The following RBFOX1 variants were observed in gnomAD, a reference collection of about 807,000 sequenced individuals.
RBFOX1 encodes the protein RNA binding fox-1 homolog 1, also known as RNA binding protein fox-1 homolog 1.
RBFOX1 carries 8 observed loss-of-function variants against 57.7 expected under a neutral mutation model. That is an observed-to-expected ratio of 0.14 (90% CI 0.08 to 0.25). RBFOX1 has a LOEUF of 0.25. Ranked by LOEUF, RBFOX1 falls within the 10% of genes least tolerant of loss-of-function variation. The probability of loss-of-function intolerance (pLI) is 1.00; values close to 1 mark genes in which losing one functional copy is unlikely to be tolerated. For synonymous variants in RBFOX1, 326 were observed against 222.4 expected (o/e 1.47, Z -4.15); for missense variants, 611 against 548.5 (o/e 1.11, Z -1.14).
intron 4 of RBFOX1, among the ~76,000 whole-genome samples, chr16:5,903,505 C>T (rs550224506): frequency 1.3e-5 from 2 of 152,236 alleles, no homozygotes; most frequent in Admixed American, 1.3e-4. Flanking sequence ...ACAACTTAAG[C>T]TCATTTGGAC....
chr16:7,665,115 G>T (rs2068843864), intron 13 of RBFOX1, 147 bp downstream of exon 13: 2 of 1,505,874 alleles, frequency 1.3e-6, no homozygotes, highest in South Asian at 2.4e-5. Flanking sequence ...TTGCAGGACA[G>T]AAAGCCTTCT....
intron 12 of RBFOX1, among the ~76,000 whole-genome samples, chr16:7,663,471 C>G (rs1302527562): frequency 6.6e-6 from 1 of 151,720 alleles, no homozygotes; most frequent in African/African-American, 2.4e-5. Flanking sequence ...TCCAGCAAAC[C>G]AGTGTCACAG....
chr16:7,422,435 C>T (rs377564913), intron 4 of RBFOX1, among the ~76,000 whole-genome samples: 9 of 152,256 alleles, frequency 5.9e-5, no homozygotes, highest in African/African-American at 9.6e-5. Context: ...TGCATTATTT[C>T]GGTTGCCTTT....
chr16:5,901,480 A>G (rs902665046), intron 4 of RBFOX1, among the ~76,000 whole-genome samples: 4 of 152,204 alleles, frequency 2.6e-5, no homozygotes, highest in African/African-American at 9.7e-5. Context: ...AGGTTTGCCT[A>G]TAATTTCCCT....
rs1034940898 is a variant in RBFOX1 at position 5,241,379 on chromosome 16, G to C, written c.219+1274G>C. On this transcript the variant is annotated intron_variant, in intron 1 of 2. Coordinates refer to the RBFOX1 transcript ENST00000585867. The stretch of plus-strand genomic sequence containing the variant: ...AGGATGAGACACAATTACGGTGGCA[G>C]TGTAACGCCAGGAAACTTTATTGCG... Among the ~76,000 whole-genome samples, 5 of 150,266 alleles carry C rather than the reference G, an allele frequency of 3.3e-5. No individual in the cohort carries two copies. The East Asian group carries it at 7.7e-4, about 23-fold the overall frequency.
intron 4 of RBFOX1, among the ~76,000 whole-genome samples, chr16:5,883,510 A>G (rs1239640284): frequency 9.0e-6 from 1 of 110,912 alleles, no homozygotes; most frequent in African/African-American, 5.0e-5. Context: ...GCAATCCCAG[A>G]TACGGGTGGC....
At chr16:7,036,311 A>C (rs2044404955) in intron 3 of RBFOX1, among the ~76,000 whole-genome samples, 1 of 152,158 alleles carries the variant, frequency 6.6e-6, no homozygotes. Flanking sequence ...TAAAACTTTC[A>C]GAAGCAGTAG....
rs1027913090 is a variant in RBFOX1 at position 7,044,500 on chromosome 16, G to C, written c.-15-7557G>C. On this transcript the variant is annotated intron_variant, in intron 3 of 15. Transcript: ENST00000550418. ...ATGAATCCCTGCTATTAAACATCTCGTTCAACCGGGAGAGCAAAGGGTCTC... is the reference window on the plus strand; with the variant it reads ...ATGAATCCCTGCTATTAAACATCTCCTTCAACCGGGAGAGCAAAGGGTCTC... Among the ~76,000 whole-genome samples, 18 of 152,158 alleles carry C rather than the reference G, an allele frequency of 1.2e-4. 1 individual carries two copies. Among genetic ancestry groups the C allele is most frequent in the African/African-American group, 4.3e-4 (18 of 41,434 alleles).
chr16:5,868,778 C>T (rs924832046), intron 4 of RBFOX1, among the ~76,000 whole-genome samples: 2 of 152,136 alleles, frequency 1.3e-5, no homozygotes, highest in African/African-American at 4.8e-5. Context: ...TTAAACAACA[C>T]AAATTTTGTT....
intron 2 of RBFOX1, among the ~76,000 whole-genome samples, chr16:6,498,270 A>T (rs937900282): frequency 6.6e-6 from 1 of 151,418 alleles, no homozygotes; most frequent in Non-Finnish European, 1.5e-5. Context: ...AAAAAAAAAA[A>T]GGATGACAAT....
At chr16:6,771,933 C>T (rs1025105875) in intron 3 of RBFOX1, among the ~76,000 whole-genome samples, 13 of 152,154 alleles carry the variant, frequency 8.5e-5, no homozygotes, top group African/African-American at 3.1e-4. Context: ...TTATCTCCTA[C>T]TCTGGGCATT....
At chr16:7,012,649 T>G (rs1036525020) in intron 3 of RBFOX1, among the ~76,000 whole-genome samples, 3 of 152,174 alleles carry the variant, frequency 2.0e-5, no homozygotes, top group African/African-American at 7.2e-5. Context: ...CAACAGACCT[T>G]TCTTTATTAT....
At chr16:6,882,670 C>T (rs937265273) in intron 3 of RBFOX1, among the ~76,000 whole-genome samples, 14 of 151,978 alleles carry the variant, frequency 9.2e-5, no homozygotes, top group Non-Finnish European at 2.1e-4. Flanking sequence ...TGGCAGGTAC[C>T]CATTGGCTGT....
chr16:5,763,562 G>A (rs372055753), intron 3 of RBFOX1, among the ~76,000 whole-genome samples: 2 of 152,248 alleles, frequency 1.3e-5, no homozygotes, highest in South Asian at 4.1e-4. Context: ...TGCTGCGATA[G>A]AACATAATTG....
At chr16:5,437,631 A>G (rs141984792) in intron 1 of RBFOX1, among the ~76,000 whole-genome samples, 130 of 152,384 alleles carry the variant, frequency 8.5e-4, no homozygotes, top group African/African-American at 2.9e-3. Flanking sequence ...GTATTAAGAT[A>G]TTAACCAAAA....
rs912192124 is a variant in RBFOX1 at position 7,089,627 on chromosome 16, G to T, written c.27+37529G>T. Among the ~76,000 whole-genome samples the T allele has an allele frequency of 9.9e-5, 15 of 152,250 alleles. 1 individual carries two copies. Among genetic ancestry groups the T allele is most frequent in the Non-Finnish European group, 1.8e-4 (12 of 68,002 alleles). ...GTCTGTGATATTATTTATGAAGTTTGTTAGCTCTTACATATGTACATATTT... is the reference window on the plus strand; with the variant it reads ...GTCTGTGATATTATTTATGAAGTTTTTTAGCTCTTACATATGTACATATTT... On this transcript the variant is annotated intron_variant, in intron 4 of 15. Transcript: ENST00000550418.
At chr16:7,557,720 G>C (rs145799895) in intron 5 of RBFOX1, among the ~76,000 whole-genome samples, 1 of 147,312 alleles carries the variant, frequency 6.8e-6, no homozygotes, top group Non-Finnish European at 1.5e-5. Flanking sequence ...TGATGCGCTT[G>C]TTACAAACAC....
intron 2 of RBFOX1, among the ~76,000 whole-genome samples, chr16:6,428,175 A>C (rs1401731427): frequency 6.6e-6 from 1 of 151,334 alleles, no homozygotes; most frequent in Non-Finnish European, 1.5e-5. Context: ...AGTTCCAGCT[A>C]CTTGGAAGGC....
chr16:6,120,406 G>T (rs1434284823), intron 1 of RBFOX1, among the ~76,000 whole-genome samples: 1 of 152,166 alleles, frequency 6.6e-6, no homozygotes, highest in Non-Finnish European at 1.5e-5. Context: ...AATGTTGGAG[G>T]ATTCCATTCT....
Sources: allele counts gnomAD v4.1 joint callset (sites outside exome capture counted in the v4.1 genomes callset), GRCh38; gene constraint gnomAD v4.1.1; transcripts MANE v1.5; gene names NCBI Gene and HGNC (gene_info 2026-07-23, HGNC 2026-07-21).